The following ZFPM1 variants were observed in gnomAD, a reference collection of about 807,000 sequenced individuals.
The protein encoded by ZFPM1 is zinc finger protein ZFPM1.
Under a neutral mutation model 46.3 loss-of-function variants are expected in ZFPM1, and 28 were observed. The observed-to-expected ratio is 0.60, with a 90% CI of 0.45 to 0.83. The LOEUF is 0.83. ZFPM1 is among the 40% of genes least tolerant of loss of function. ZFPM1 has a pLI of 0.00. For synonymous variants in ZFPM1, 957 were observed against 675.9 expected, an observed-to-expected ratio of 1.42 and a Z score of -6.45; for missense variants, 1,878 against 1,432.4, an observed-to-expected ratio of 1.31 and a Z score of -5.02.
At chr16:88,467,086 G>A (rs965398663) in intron 1 of ZFPM1, among the ~76,000 whole-genome samples, 1 of 152,168 alleles carries the variant, frequency 6.6e-6, no homozygotes, top group African/African-American at 2.4e-5. Flanking sequence ...TTCCTGCACG[G>A]TTTTCCGCCA....
intron 4 of ZFPM1, among the ~76,000 whole-genome samples, chr16:88,516,898 G>A (rs548667253): frequency 6.6e-6 from 1 of 152,332 alleles, no homozygotes; most frequent in African/African-American, 2.4e-5. Context: ...AACAGGGACA[G>A]GGTGGCTTCC....
rs914767039 is a variant in ZFPM1 at position 88,533,530 on chromosome 16, G to C, written c.1572G>C (p.Leu524=). Reference sequence around the variant, plus strand: ...GCGAGCTGGGCCTGGCCGGGGCCCTGTTCCTTCCGCAGTACGTGTTCGGGC... The same window carrying C: ...GCGAGCTGGGCCTGGCCGGGGCCCTCTTCCTTCCGCAGTACGTGTTCGGGC... ...VPGELGLAGA[L]FLPQYVFGPD... is the part of the protein sequence containing the mutation. Residue 524 remains leucine, a synonymous_variant, in exon 10 of 10, where the codon CTG becomes CTC. Coordinates refer to ENST00000319555, the MANE Select transcript of ZFPM1 (RefSeq NM_153813.3). 3.4e-6 allele frequency: 5 copies of C among 1,454,758 alleles called. No individual in the cohort carries two copies. Among genetic ancestry groups the C allele is most frequent in the African/African-American group, 1.5e-5 (1 of 66,242 alleles). The allele number at this position is 1,454,758 out of a possible 1,614,324, so 90.1% of individuals were successfully genotyped here.
Position 88,506,212 on chromosome 16 carries a change from CCAGGGG to C in ZFPM1, c.269-8163_269-8158del, listed in dbSNP as rs1331044827. On this transcript the variant is annotated intron_variant, in intron 3 of 9. Transcript: ENST00000319555. ...GAGACCAGGGCAGGAGGTGGGGAGA[CCAGGGG>C]CAGGGGCAGGGAGACCAGGGTAGGG... is the stretch of plus-strand genomic sequence containing the variant. 4.8e-5 allele frequency among the ~76,000 whole-genome samples: 7 copies of C among 146,094 alleles called. No individual in the cohort carries two copies. In the South Asian group the frequency reaches 1.6e-3, roughly 34 times the overall value.
intron 1 of ZFPM1, among the ~76,000 whole-genome samples, chr16:88,482,475 C>G (rs1908990736): frequency 6.6e-6 from 1 of 152,208 alleles, no homozygotes; most frequent in South Asian, 2.1e-4. Context: ...ACGCTCATCA[C>G]CACGGCTTTG....
chr16:88,503,606 T>C (rs896560006), intron 3 of ZFPM1, among the ~76,000 whole-genome samples: 3 of 152,136 alleles, frequency 2.0e-5, no homozygotes, highest in Non-Finnish European at 4.4e-5. Flanking sequence ...TGGAGCCAGG[T>C]CCTCTCTGAC....
chr16:88,534,154 CT>C lies in ZFPM1; in HGVS notation c.2197del (p.Ser733LeufsTer65), dbSNP rs1050308510. 2 of 1,003,458 alleles carry C rather than the reference CT, an allele frequency of 2.0e-6. No individual in the cohort carries two copies. Among genetic ancestry groups the C allele is most frequent in the Non-Finnish European group, 2.4e-6 (2 of 845,216 alleles). The allele number at this position is 1,003,458 out of a possible 1,614,324, so 62.2% of individuals were successfully genotyped here. A position where few individuals can be genotyped will look rare whatever the true frequency, so the allele number is the denominator to read the frequency against. Reference sequence around the variant, plus strand: ...CTGGGCCGGCCGCGCCCCCGGCCCCCTCTCCCGCCGCGCCTGTGCGCACGCG... The same window carrying C: ...CTGGGCCGGCCGCGCCCCCGGCCCCCCTCCCGCCGCGCCTGTGCGCACGCG... ...PPGPAAPPAP[S>X]PAAPVRTRRR... On this transcript the variant is annotated frameshift_variant, in exon 10 of 10. Transcript: ENST00000319555. LOFTEE classifies it low-confidence loss of function (END_TRUNC).
chr16:88,513,899 TA>T (rs1457331422), intron 3 of ZFPM1, among the ~76,000 whole-genome samples: 1 of 152,218 alleles, frequency 6.6e-6, no homozygotes, highest in Non-Finnish European at 1.5e-5. Context: ...CTTAGAAAGA[TA>T]CTTGTCATTG....
At chr16:88,493,027 C>G (rs1597248341) in intron 3 of ZFPM1, among the ~76,000 whole-genome samples, 1 of 151,178 alleles carries the variant, frequency 6.6e-6, no homozygotes, top group East Asian at 2.0e-4. Context: ...GTATGGAGAG[C>G]TGTCCCGGGG....
chr16:88,468,140 A>G (rs1908235635), intron 1 of ZFPM1, among the ~76,000 whole-genome samples: 1 of 98,886 alleles, frequency 1.0e-5, no homozygotes, highest in Admixed American at 1.3e-4. Flanking sequence ...CCGCGAGCCC[A>G]CTGCCCCTGA....
chr16:88,531,596 C>T (rs962032989), intron 6 of ZFPM1, among the ~76,000 whole-genome samples: 8 of 152,218 alleles, frequency 5.3e-5, no homozygotes, highest in African/African-American at 1.7e-4. Flanking sequence ...CGCACCTGCA[C>T]GCACATCTGT....
At chr16:88,479,133 G>C (rs1417611561) in intron 1 of ZFPM1, among the ~76,000 whole-genome samples, 1 of 152,208 alleles carries the variant, frequency 6.6e-6, no homozygotes, top group African/African-American at 2.4e-5. Context: ...TGCGCGTGAG[G>C]TACTGGCCAC....
chr16:88,486,604 C>A (rs1909239537), intron 2 of ZFPM1, among the ~76,000 whole-genome samples: 1 of 147,228 alleles, frequency 6.8e-6, no homozygotes, highest in Admixed American at 6.8e-5. Context: ...GCTGGGTGCA[C>A]AGCAGATGGG....
Position 88,462,385 on chromosome 16 carries a change from A to G in ZFPM1, c.40+8707A>G, listed in dbSNP as rs192982837. On this transcript the variant is annotated intron_variant, in intron 1 of 9. Coordinates refer to ENST00000319555, the MANE Select transcript of ZFPM1 (RefSeq NM_153813.3). Reference sequence around the variant, plus strand: ...GGGCATCCCCGTTCTGCCCTTCTCCAGACACCACTTAGCTTTGGGTTCTCC... The same window carrying G: ...GGGCATCCCCGTTCTGCCCTTCTCCGGACACCACTTAGCTTTGGGTTCTCC... Among the ~76,000 whole-genome samples the G allele has an allele frequency of 3.4e-3, 512 of 152,298 alleles. 1 individual carries two copies. The highest frequency in any genetic ancestry group is 0.012 in the African/African-American group (482 of 41,566).
At chr16:88,500,923 A>C (rs1044624645) in intron 3 of ZFPM1, among the ~76,000 whole-genome samples, 141 of 152,366 alleles carry the variant, frequency 9.3e-4, no homozygotes, top group African/African-American at 2.7e-3. Context: ...CGACAGGTAC[A>C]GCGGGCCCTC....
chr16:88,535,102 G>T lies in ZFPM1; in HGVS notation c.*123G>T. 8.2e-7 allele frequency: 1 copy of T among 1,215,884 alleles called. No homozygotes were observed. The highest frequency in any genetic ancestry group is 1.1e-6 in the Non-Finnish European group (1 of 942,978). 75.3% of individuals were successfully genotyped at this position (1,215,884 alleles called of 1,614,324 possible). A position where few individuals can be genotyped will look rare whatever the true frequency, so the allele number is the denominator to read the frequency against. ...GCCACGCACAGGCCTCGGCGGAGGG[G>T]GCCGCAGGGGGCAGCGCCCGCCTGG... On this transcript the variant is annotated 3_prime_UTR_variant, in exon 10 of 10. Transcript: ENST00000319555.
rs181143761 is a variant in ZFPM1 at position 88,470,516 on chromosome 16, T to C, written c.41-15423T>C. On this transcript the variant is annotated intron_variant, in intron 1 of 9. Coordinates refer to ENST00000319555, the MANE Select transcript of ZFPM1 (RefSeq NM_153813.3). Reference sequence around the variant, plus strand: ...CCGGGTGGTGACACTCAGTGACAGGTGAGGATGTGGCACGGTGTGGAGGGC... The same window carrying C: ...CCGGGTGGTGACACTCAGTGACAGGCGAGGATGTGGCACGGTGTGGAGGGC... Among the ~76,000 whole-genome samples the C allele has an allele frequency of 1.2e-3, 184 of 149,112 alleles. 1 individual carries two copies. Among genetic ancestry groups the C allele is most frequent in the Middle Eastern group, 6.8e-3 (2 of 292 alleles).
Position 88,533,889 on chromosome 16 carries a change from G to C in ZFPM1, c.1931G>C (p.Arg644Pro). 9.8e-7 allele frequency: 1 copy of C among 1,024,952 alleles called. No homozygotes were observed. The highest frequency in any genetic ancestry group is 1.2e-6 in the Non-Finnish European group (1 of 856,808). The allele number at this position is 1,024,952 out of a possible 1,614,324, so 63.5% of individuals were successfully genotyped here. A position where few individuals can be genotyped will look rare whatever the true frequency, so the allele number is the denominator to read the frequency against. ...CGCTCGTCCCCGGGCCCCGGAGCGC[G>C]CGAGGAGGGGGCTGGGGGCGCGGCC... ...APRSSPGPGA[R>P]EEGAGGAATP... Residue 644 changes from arginine to proline, a missense_variant, in exon 10 of 10, where the codon CGC becomes CCC. By Grantham distance (103) the Arg-to-Pro change is moderately radical (BLOSUM62 -2). Coordinates refer to ENST00000319555, the MANE Select transcript of ZFPM1 (RefSeq NM_153813.3).
At chr16:88,486,302 G>T (rs752076173) in intron 2 of ZFPM1, among the ~76,000 whole-genome samples, 19 of 152,226 alleles carry the variant, frequency 1.2e-4, no homozygotes, top group Non-Finnish European at 1.8e-4. Context: ...GCAGACCAAG[G>T]CCCAGATGGG....
chr16:88,514,322 A>G, intron 3 of ZFPM1, 65 bp from the exon 4 acceptor site: 1 of 1,541,200 alleles, frequency 6.5e-7, no homozygotes, highest in Non-Finnish European at 8.7e-7. Flanking sequence ...GGCCAACCCT[A>G]GCGGGAGGTG....
Sources: gnomAD v4.1 joint callset for allele counts (sites outside exome capture counted in the v4.1 genomes callset) on GRCh38, gnomAD v4.1.1 for gene constraint, MANE v1.5 for transcripts, NCBI Gene and HGNC (gene_info 2026-07-23, HGNC 2026-07-21) for gene names.